Variants in RNF123 observed in about 807,000 individuals in gnomAD.
RNF123 encodes the protein E3 ubiquitin-protein ligase RNF123.
Under a neutral mutation model 168.5 loss-of-function variants are expected in RNF123, and 86 were observed. That is an observed-to-expected ratio of 0.51 (90% CI 0.43 to 0.61). The LOEUF (loss-of-function observed/expected upper bound fraction) is 0.61, where lower values mean the gene tolerates loss of function less well. RNF123 is among the 20% of genes least tolerant of loss of function. RNF123 has a pLI of 0.00. For synonymous variants in RNF123, 666 were observed against 689.1 expected (o/e 0.97, Z 0.52); for missense variants, 1,419 against 1,729.7 (o/e 0.82, Z 3.19).
At chr3:49,698,694 G>T in intron 8 of RNF123, 61 bp from the exon 9 acceptor site, 1 of 1,588,504 alleles carries the variant, frequency 6.3e-7, no homozygotes. Flanking sequence ...ACGCAGCTGG[G>T]GTTCAGAGTC....
At position 49,712,353 on chromosome 3, in the gene RNF123, C is replaced by T; in HGVS notation, c.2497-126C>T. ...CCTGCTTGAGCTACTGCTCATGCTT[C>T]CTGAAATCCAGGTCTCAGTTGTGCT... On this transcript the variant is annotated intron_variant, in intron 26 of 38. Transcript: ENST00000327697. The T allele has an allele frequency of 4.7e-6, 4 of 847,922 alleles. No homozygotes were observed. The South Asian group carries it at 6.8e-5, about 14-fold the overall frequency. 52.5% of individuals were successfully genotyped at this position (847,922 alleles called of 1,614,324 possible). A position where few individuals can be genotyped will look rare whatever the true frequency, so the allele number is the denominator to read the frequency against.
At chr3:49,714,779 G>A (rs2080207781) in intron 31 of RNF123, among the ~76,000 whole-genome samples, 1 of 152,244 alleles carries the variant, frequency 6.6e-6, no homozygotes, top group Admixed American at 6.5e-5. Flanking sequence ...AGTGCCAGGT[G>A]TGCCACACAC....
At chr3:49,712,197 G>A (rs533916451) in intron 26 of RNF123, among the ~76,000 whole-genome samples, 1 of 150,352 alleles carries the variant, frequency 6.7e-6, no homozygotes, top group South Asian at 2.1e-4. Flanking sequence ...CTGCACTCCA[G>A]CCTGGGTGAC....
chr3:49,701,183 A>G (rs1382278567), intron 15 of RNF123, among the ~76,000 whole-genome samples: 1 of 152,224 alleles, frequency 6.6e-6, no homozygotes, highest in Non-Finnish European at 1.5e-5. Context: ...CAAAGCTGGG[A>G]GACACAGAGG....
At chr3:49,718,119 G>A (rs916346907) in intron 35 of RNF123, 45 of 1,613,380 alleles carry the variant, frequency 2.8e-5, no homozygotes, top group Non-Finnish European at 3.3e-5. Flanking sequence ...GCTTGTGGAC[G>A]CTGGCCTTGC....
intron 27 of RNF123, chr3:49,713,217 A>G: frequency 1.7e-6 from 1 of 589,404 alleles, no homozygotes; most frequent in East Asian, 2.8e-5. Flanking sequence ...TCAAAGACAG[A>G]GCTGTGAGTG....
At chr3:49,718,165 G>A (rs1020293326) in intron 35 of RNF123, 5 of 1,613,184 alleles carry the variant, frequency 3.1e-6, no homozygotes, top group Non-Finnish European at 4.2e-6. Context: ...GCTGAGTACT[G>A]AGGACTGTGC....
chr3:49,698,192 C>A, intron 7 of RNF123, 55 bp downstream of exon 7: 1 of 1,440,462 alleles, frequency 6.9e-7, no homozygotes, highest in Non-Finnish European at 9.7e-7. Context: ...TCTCCTGCCA[C>A]AGGCCTCATC....
At chr3:49,701,721 C>T (rs950677756) in intron 16 of RNF123, 90 bp from the exon 17 acceptor site, 22 of 1,465,076 alleles carry the variant, frequency 1.5e-5, no homozygotes, top group Non-Finnish European at 1.9e-5. Flanking sequence ...TCCCTGAAGC[C>T]CTGGAGATGG....
chr3:49,700,805 T>A, intron 15 of RNF123, 96 bp downstream of exon 15: 1 of 1,322,030 alleles, frequency 7.6e-7, no homozygotes, highest in Non-Finnish European at 1.1e-6. Context: ...AGGGGTCCCC[T>A]GGGAGCATCA....
At chr3:49,711,481 C>T (rs1287102831) in intron 26 of RNF123, among the ~76,000 whole-genome samples, 1 of 152,182 alleles carries the variant, frequency 6.6e-6, no homozygotes, top group African/African-American at 2.4e-5. Flanking sequence ...TCTGATGGGG[C>T]CATTGCCAGC....
intron 31 of RNF123, among the ~76,000 whole-genome samples, chr3:49,715,204 GC>G (rs1282486571): frequency 1.3e-5 from 2 of 152,252 alleles, no homozygotes; most frequent in Non-Finnish European, 1.5e-5. Flanking sequence ...GGAGGAGCTG[GC>G]CTTGGTGCCG....
intron 26 of RNF123, among the ~76,000 whole-genome samples, chr3:49,708,375 C>G: frequency 6.6e-6 from 1 of 152,256 alleles, no homozygotes. Flanking sequence ...AACAAAACCT[C>G]CTGTCCTCCC....
intron 35 of RNF123, chr3:49,719,443 C>T: frequency 6.2e-7 from 1 of 1,613,002 alleles, no homozygotes; most frequent in South Asian, 1.1e-5. Flanking sequence ...GAGCAGTGTC[C>T]CCAGCAGCAC....
At chr3:49,694,129 TG>T (rs1359498553) in intron 3 of RNF123, among the ~76,000 whole-genome samples, 15 of 152,260 alleles carry the variant, frequency 9.9e-5, no homozygotes, top group African/African-American at 3.4e-4. Flanking sequence ...TTATAATGTA[TG>T]TAGTTCAGAT....
chr3:49,709,864 C>T (rs957897590), intron 26 of RNF123, among the ~76,000 whole-genome samples: 18 of 152,212 alleles, frequency 1.2e-4, no homozygotes, highest in Non-Finnish European at 2.9e-5. Flanking sequence ...TGAGCCACCG[C>T]GCCCGGCCAA....
In RNF123 at chr3:49,720,783, T is replaced by A; in HGVS notation, c.3644-17T>A. The A allele has an allele frequency of 1.2e-6, 2 of 1,613,966 alleles. No individual in the cohort carries two copies. Among genetic ancestry groups the A allele is most frequent in the Non-Finnish European group, 1.7e-6 (2 of 1,179,854 alleles). ...TCCTCAGCTACCTCTGACTTGACACTACCTACCACTCCCCAGATGCGGATT... is the reference window on the plus strand; with the variant it reads ...TCCTCAGCTACCTCTGACTTGACACAACCTACCACTCCCCAGATGCGGATT... On this transcript the variant is annotated splice_polypyrimidine_tract_variant and intron_variant, in intron 36 of 38. Transcript: ENST00000327697.
Position 49,701,894 on chromosome 3 carries a change from C to T in RNF123, c.1479C>T (p.Leu493=), listed in dbSNP as rs747866451. ...CCTACGAACGGGGCTGTCAGCGGCT[C>T]AGGAAGCGCATCGAAGGTCAGCCCG... ...RRAYERGCQR[L]RKRIEVVEEL... Residue 493 remains leucine (L), a synonymous_variant, in exon 17 of 39, where the codon CTC becomes CTT. Coordinates refer to ENST00000327697, the MANE Select transcript of RNF123 (RefSeq NM_022064.5). 2.6e-5 allele frequency: 41 copies of T among 1,562,070 alleles called. No individual in the cohort carries two copies. The highest frequency in any genetic ancestry group is 5.4e-5 in the African/African-American group (4 of 74,200).
At position 49,697,000 on chromosome 3, in the gene RNF123, A is replaced by G. The variant is rs774784140; in HGVS notation, c.168-143A>G. 39 of 731,662 alleles carry G rather than the reference A, an allele frequency of 5.3e-5. No individual in the cohort carries two copies. In the Middle Eastern group the frequency reaches 7.0e-4, roughly 13 times the overall value. The allele number at this position is 731,662 out of a possible 1,614,324, so 45.3% of individuals were successfully genotyped here. Reference sequence around the variant, plus strand: ...AGAATTCGGCCTTCTGACCTCCTGCATGCCAGAGTCTAGGACTAGGCACAG... The same window carrying G: ...AGAATTCGGCCTTCTGACCTCCTGCGTGCCAGAGTCTAGGACTAGGCACAG... On this transcript the variant is annotated intron_variant, in intron 3 of 38. Coordinates refer to ENST00000327697, the MANE Select transcript of RNF123 (RefSeq NM_022064.5).
Sources: allele counts gnomAD v4.1 joint callset (sites outside exome capture counted in the v4.1 genomes callset), GRCh38; gene constraint gnomAD v4.1.1; transcripts MANE v1.5; gene names NCBI Gene and HGNC (gene_info 2026-07-23, HGNC 2026-07-21).